Variants in FAM83B observed in about 807,000 individuals in gnomAD.
FAM83B encodes the protein protein FAM83B.
A neutral mutation model predicts 38.8 loss-of-function variants in FAM83B; 26 were observed. The ratio of observed to expected loss-of-function variants is 0.67; its 90% CI spans 0.49 to 0.93. The LOEUF (loss-of-function observed/expected upper bound fraction) is 0.93, where lower values mean the gene tolerates loss of function less well. FAM83B is among the 40% of genes least tolerant of loss of function. The pLI, the probability that FAM83B is intolerant of heterozygous loss-of-function variation, is 0.00. For missense variants in FAM83B, 1,237 were observed against 1,197.3 expected, an observed-to-expected ratio of 1.03 and a Z score of -0.49; for synonymous variants, 419 against 423.1, an observed-to-expected ratio of 0.99 and a Z score of 0.12.
chr6:54,872,716 A>G (rs1771888085), intron 2 of FAM83B, among the ~76,000 whole-genome samples: 1 of 152,148 alleles, frequency 6.6e-6, no homozygotes, highest in South Asian at 2.1e-4. Context: ...GAGCCTCTAA[A>G]AGTAATATCT....
At chr6:54,926,218 TTC>T (rs1242579640) in intron 2 of FAM83B, among the ~76,000 whole-genome samples, 151 bp from the exon 3 acceptor site, 3 of 152,356 alleles carry the variant, frequency 2.0e-5, no homozygotes, top group African/African-American at 7.2e-5. Context: ...TGGTTTTATC[TTC>T]TGTTTTAGAA....
intron 4 of FAM83B, among the ~76,000 whole-genome samples, chr6:54,938,282 A>C (rs1188325860): frequency 6.6e-6 from 1 of 152,146 alleles, no homozygotes; most frequent in Non-Finnish European, 1.5e-5. Flanking sequence ...ATGAGCATTT[A>C]GGCTGGTTTC....
At position 54,942,102 on chromosome 6, in the gene FAM83B, G is replaced by T; in HGVS notation, c.*95G>T. ...ATGCCAATAGATTTTCCTAAGGACA[G>T]AATTATGGGTATGATGTATATGTTC... On this transcript the variant is annotated 3_prime_UTR_variant, in exon 5 of 5. Coordinates refer to ENST00000306858, the MANE Select transcript of FAM83B (RefSeq NM_001010872.3). 2 of 1,244,916 alleles carry T rather than the reference G, an allele frequency of 1.6e-6. No individual in the cohort carries two copies. The highest frequency in any genetic ancestry group is 2.2e-6 in the Non-Finnish European group (2 of 904,288). The allele number at this position is 1,244,916 out of a possible 1,614,324, so 77.1% of individuals were successfully genotyped here. A position where few individuals can be genotyped will look rare whatever the true frequency, so the allele number is the denominator to read the frequency against.
chr6:54,846,232 G>A (rs953851673), upstream of FAM83B, among the ~76,000 whole-genome samples: 4 of 152,204 alleles, frequency 2.6e-5, no homozygotes. Context: ...TGCACTGCGG[G>A]ATGCCCACTG....
At chr6:54,902,965 T>G (rs767130114) in intron 2 of FAM83B, among the ~76,000 whole-genome samples, 2 of 152,218 alleles carry the variant, frequency 1.3e-5, no homozygotes, top group Admixed American at 1.3e-4. Context: ...AAGTACATTT[T>G]GATAACTAGA....
intron 2 of FAM83B, among the ~76,000 whole-genome samples, chr6:54,910,897 G>C (rs9475066): frequency 0.013 from 1,940 of 152,134 alleles, 45 homozygotes; most frequent in African/African-American, 0.044. Flanking sequence ...CCAAACATGG[G>C]ATGTAACAAC....
intron 2 of FAM83B, among the ~76,000 whole-genome samples, chr6:54,887,989 A>T (rs1046529063): frequency 2.1e-5 from 3 of 143,426 alleles, no homozygotes; most frequent in Non-Finnish European, 3.1e-5. Context: ...TCTTTTACTC[A>T]CCCCATCTGT....
At chr6:54,925,490 A>G (rs1235670581) in intron 2 of FAM83B, among the ~76,000 whole-genome samples, 1 of 152,140 alleles carries the variant, frequency 6.6e-6, no homozygotes, top group Non-Finnish European at 1.5e-5. Flanking sequence ...CATTCCAACA[A>G]TCAACACAGA....
In FAM83B at chr6:54,870,512, C is replaced by T; in HGVS notation, c.266C>T (p.Ser89Leu). 2 of 1,614,032 alleles carry T rather than the reference C, an allele frequency of 1.2e-6. No homozygotes were observed. The highest frequency in any genetic ancestry group is 1.7e-6 in the Non-Finnish European group (2 of 1,179,978). Residue 89 changes from serine (S) to leucine (L), a missense_variant, in exon 2 of 5, where the codon TCA (serine) becomes TTA (leucine). Physicochemically the swap from Ser to Leu is moderately radical, Grantham distance 145 (BLOSUM62 -2). Coordinates refer to ENST00000306858, the MANE Select transcript of FAM83B (RefSeq NM_001010872.3). The part of the protein sequence containing the change: ...TDDSCDDTLS[S>L]GTYWPVESDV... ...GATTCCTGTGATGATACCTTATCTTCAGGGACCTACTGGCCTGTTGAGTCT... is the reference window on the plus strand; with the variant it reads ...GATTCCTGTGATGATACCTTATCTTTAGGGACCTACTGGCCTGTTGAGTCT...
intron 2 of FAM83B, among the ~76,000 whole-genome samples, chr6:54,917,449 C>A (rs1307676094): frequency 6.6e-6 from 1 of 152,068 alleles, no homozygotes; most frequent in Non-Finnish European, 1.5e-5. Context: ...CCAATGTCTT[C>A]TTTACATAAT....
intron 1 of FAM83B, among the ~76,000 whole-genome samples, chr6:54,863,564 A>T (rs1349655920): frequency 2.4e-5 from 1 of 41,452 alleles, no homozygotes; most frequent in African/African-American, 9.7e-5. Flanking sequence ...TGACTTCTCC[A>T]CTTCATATAA....
chr6:54,885,613 C>A (rs1772255948), intron 2 of FAM83B, among the ~76,000 whole-genome samples: 1 of 151,964 alleles, frequency 6.6e-6, no homozygotes, highest in African/African-American at 2.4e-5. Flanking sequence ...CTTTTGACTG[C>A]CGTAATACCT....
chr6:54,939,679 T>C, intron 4 of FAM83B, 27 bp from the exon 5 acceptor site: 1 of 1,534,744 alleles, frequency 6.5e-7, no homozygotes, highest in Non-Finnish European at 8.7e-7. Context: ...TTTTAAATGA[T>C]TAAAATTTTT....
chr6:54,891,708 A>C (rs1252539799), intron 2 of FAM83B, among the ~76,000 whole-genome samples: 2 of 152,186 alleles, frequency 1.3e-5, no homozygotes, highest in African/African-American at 4.8e-5. Context: ...TGTTAAAGGC[A>C]TCATCACATT....
At chr6:54,937,891 A>G (rs150348509) in intron 4 of FAM83B, among the ~76,000 whole-genome samples, 1,533 of 152,004 alleles carry the variant, frequency 0.01, 17 homozygotes, top group Admixed American at 0.016. Flanking sequence ...TATTTTATTT[A>G]TGTCATTAGT....
At chr6:54,929,426 A>G (rs1394495104) in intron 4 of FAM83B, among the ~76,000 whole-genome samples, 1 of 152,132 alleles carries the variant, frequency 6.6e-6, no homozygotes, top group African/African-American at 2.4e-5. Flanking sequence ...TGTATTTACC[A>G]CAGTTACACA....
At chr6:54,887,590 AT>A (rs1431179945) in intron 2 of FAM83B, among the ~76,000 whole-genome samples, 2 of 151,818 alleles carry the variant, frequency 1.3e-5, no homozygotes, top group African/African-American at 4.8e-5. Context: ...ACTAATTGTA[AT>A]TATTTTATTT....
At chr6:54,897,227 T>TAAA (rs368282962) in intron 2 of FAM83B, among the ~76,000 whole-genome samples, 51 of 144,120 alleles carry the variant, frequency 3.5e-4, no homozygotes, top group African/African-American at 4.0e-4. Flanking sequence ...TGTTGTGATC[T>TAAA]AAAAAAAAAA....
At chr6:54,926,092 T>C (rs1227662646) in intron 2 of FAM83B, among the ~76,000 whole-genome samples, 1 of 152,184 alleles carries the variant, frequency 6.6e-6, no homozygotes, top group African/African-American at 2.4e-5. Context: ...AAATCCATGA[T>C]TTGGATTTGC....
Sources: gnomAD v4.1 joint callset for allele counts (sites outside exome capture counted in the v4.1 genomes callset) on GRCh38, gnomAD v4.1.1 for gene constraint, MANE v1.5 for transcripts, NCBI Gene and HGNC (gene_info 2026-07-23, HGNC 2026-07-21) for gene names.